Variants in KCNJ1 observed in about 807,000 individuals in gnomAD.
KCNJ1 encodes the protein ATP-sensitive inward rectifier potassium channel 1.
In KCNJ1, 24 loss-of-function variants were observed where a neutral mutation model predicts 21.9. That is an observed-to-expected ratio of 1.10 (90% CI 0.79 to 1.54). The LOEUF (loss-of-function observed/expected upper bound fraction) is 1.54, where lower values mean the gene tolerates loss of function less well. Among genes scored for constraint, KCNJ1 ranks in the 40% most tolerant of loss-of-function variants. The probability of loss-of-function intolerance (pLI) is 0.00; values close to 1 mark genes in which losing one functional copy is unlikely to be tolerated. For missense variants in KCNJ1, 457 were observed against 455.4 expected, an observed-to-expected ratio of 1.00 and a Z score of -0.03; for synonymous variants, 152 against 160.9, an observed-to-expected ratio of 0.94 and a Z score of 0.42.
intron 2 of KCNJ1, among the ~76,000 whole-genome samples, chr11:128,844,658 G>A (rs1943347296): frequency 6.6e-6 from 1 of 152,210 alleles, no homozygotes; most frequent in South Asian, 2.1e-4. Flanking sequence ...AGGTGCAGAA[G>A]CTCTTCTTCC....
intron 2 of KCNJ1, among the ~76,000 whole-genome samples, chr11:128,846,810 C>T (rs544689074): frequency 3.9e-5 from 6 of 152,170 alleles, no homozygotes; most frequent in Non-Finnish European, 7.4e-5. Context: ...CTCGTACTAC[C>T]GGCGAGGTCT....
At chr11:128,858,027 T>C (rs1370173458) in intron 1 of KCNJ1, among the ~76,000 whole-genome samples, 2 of 151,878 alleles carry the variant, frequency 1.3e-5, no homozygotes, top group African/African-American at 4.8e-5. Context: ...GTGCAAGAGC[T>C]TGGAGAAACT....
At chr11:128,856,887 C>T (rs552393617) in intron 1 of KCNJ1, among the ~76,000 whole-genome samples, 71 of 152,164 alleles carry the variant, frequency 4.7e-4, no homozygotes, top group African/African-American at 1.5e-3. Context: ...TTGATCTGTC[C>T]ACCGCCTCTT....
chr11:128,841,993 T>A (rs1943291142), intron 2 of KCNJ1, among the ~76,000 whole-genome samples: 1 of 152,172 alleles, frequency 6.6e-6, no homozygotes, highest in Admixed American at 6.5e-5. Context: ...ACACATCCTT[T>A]ACCCTGGTCT....
intron 1 of KCNJ1, among the ~76,000 whole-genome samples, chr11:128,851,614 C>G (rs1943478277): frequency 2.0e-5 from 3 of 152,156 alleles, no homozygotes; most frequent in African/African-American, 4.8e-5. Context: ...TTAGTCTGAC[C>G]CTTCTAGTTC....
rs780333280 is a variant in KCNJ1, at chr11:128,840,085, T to C, written c.159A>G (p.Val53=). Residue 53 remains valine, a synonymous_variant, in exon 3 of 3, where the codon GTA becomes GTG. Coordinates refer to ENST00000392666, the MANE Select transcript of KCNJ1 (RefSeq NM_153766.3). The part of the protein sequence containing the change: ...FIFFVDIWTT[V]LDLKWRYKMT... Reference sequence around the variant, plus strand: ...TTTTGTATCTCCACTTGAGGTCAAGTACCGTTGTCCAGATGTCCACAAAGA... The same window carrying C: ...TTTTGTATCTCCACTTGAGGTCAAGCACCGTTGTCCAGATGTCCACAAAGA... 16 of 1,614,070 alleles carry C rather than the reference T, an allele frequency of 9.9e-6. No individual in the cohort carries two copies. In the East Asian group the frequency reaches 3.6e-4, roughly 36 times the overall value.
At chr11:128,844,676 T>C (rs1397034086) in intron 2 of KCNJ1, among the ~76,000 whole-genome samples, 1 of 152,146 alleles carries the variant, frequency 6.6e-6, no homozygotes, top group African/African-American at 2.4e-5. Context: ...TCCACAGACA[T>C]CCACTTGAGA....
chr11:128,839,171 T>C lies in KCNJ1; in HGVS notation c.1073A>G (p.Asn358Ser). 1 of 1,614,148 alleles carries C rather than the reference T, an allele frequency of 6.2e-7. No homozygotes were observed. The highest frequency in any genetic ancestry group is 8.5e-7 in the Non-Finnish European group (1 of 1,179,996). ...ARMKRGYDNPNFILSEVNETD... is the reference protein window; with the variant it reads ...ARMKRGYDNPSFILSEVNETD... ...TTCATTGACTTCTGACAAGATGAAGTTGGGGTTGTCATAGCCTCTCTTCAT... is the reference window on the plus strand; with the variant it reads ...TTCATTGACTTCTGACAAGATGAAGCTGGGGTTGTCATAGCCTCTCTTCAT... The change falls in exon 3 of 3, where the codon AAC (asparagine) becomes AGC (serine). Residue 358 changes from asparagine to serine, a missense_variant. Transcript: ENST00000392666.
rs267602771 is a variant in KCNJ1, at chr11:128,839,619, C to T, written c.625G>A (p.Gly209Arg). Residue 209 changes from glycine (G) to arginine (R), a missense_variant, in exon 3 of 3, where the codon GGA (glycine) becomes AGA (arginine). By Grantham distance (125) the Gly-to-Arg change is moderately radical. Coordinates refer to ENST00000392666, the MANE Select transcript of KCNJ1 (RefSeq NM_153766.3). Reference sequence around the variant, plus strand: ...GTGACTGTGGTCTTCAGAAGCTTTCCATAAATGTGACTGCCAATAAGAAGG... The same window carrying T: ...GTGACTGTGGTCTTCAGAAGCTTTCTATAAATGTGACTGCCAATAAGAAGG... The part of the protein sequence containing the change: ...KSLLIGSHIY[G>R]KLLKTTVTPE... The T allele has an allele frequency of 6.2e-7, 1 of 1,613,800 alleles. No homozygotes were observed. Among genetic ancestry groups the T allele is most frequent in the African/African-American group, 1.3e-5 (1 of 74,882 alleles).
rs1480204529 is a variant in KCNJ1, at chr11:128,839,282, T to C, written c.962A>G (p.Asp321Gly). 3 of 1,614,158 alleles carry C rather than the reference T, an allele frequency of 1.9e-6. No homozygotes were observed. The highest frequency in any genetic ancestry group is 2.5e-6 in the Non-Finnish European group (3 of 1,180,026). The change falls in exon 3 of 3, where the codon GAT (aspartate) becomes GGT (glycine). Residue 321 changes from aspartate to glycine, a missense_variant. Asp to Gly is a moderately conservative substitution (Grantham distance 94). Transcript: ENST00000392666. The part of the protein sequence containing the change: ...SKTKEGKYRV[D>G]FHNFSKTVEV... ...CACTGTCTTGCTAAAGTTATGGAAATCCACTCGGTATTTCCCTTCCTTTGT... is the reference window on the plus strand; with the variant it reads ...CACTGTCTTGCTAAAGTTATGGAAACCCACTCGGTATTTCCCTTCCTTTGT...
chr11:128,843,433 C>T (rs770889878), intron 2 of KCNJ1, among the ~76,000 whole-genome samples: 9 of 152,158 alleles, frequency 5.9e-5, no homozygotes, highest in East Asian at 1.9e-4. Flanking sequence ...GCAAAACAAG[C>T]GGATTACATT....
intron 1 of KCNJ1, among the ~76,000 whole-genome samples, chr11:128,866,962 G>A (rs1176420870): frequency 6.6e-6 from 1 of 152,102 alleles, no homozygotes; most frequent in Non-Finnish European, 1.5e-5. Flanking sequence ...AGTGACCCAG[G>A]GAAGGCAAGA....
At chr11:128,864,015 C>G (rs182620796) in intron 1 of KCNJ1, among the ~76,000 whole-genome samples, 1 of 147,574 alleles carries the variant, frequency 6.8e-6, no homozygotes, top group Non-Finnish European at 1.5e-5. Flanking sequence ...CTTAAGGTAA[C>G]TTAAGGTTTG....
intron 1 of KCNJ1, chr11:128,866,608 G>A (rs1943819765): frequency 1.3e-6 from 1 of 763,370 alleles, no homozygotes; most frequent in African/African-American, 1.9e-5. Context: ...CAAATGTTGA[G>A]AAATCCAAAT....
At position 128,864,728 on chromosome 11, in the gene KCNJ1, C is replaced by T. The variant is rs116643644; in HGVS notation, c.-192+2445G>A. On this transcript the variant is annotated intron_variant, in intron 1 of 2. Coordinates refer to ENST00000392666, the MANE Select transcript of KCNJ1 (RefSeq NM_153766.3). Reference sequence around the variant, plus strand: ...TGCCATTCAAAGTGTGCTCTTTTTGCGGACTTTGGGAGTCTCTGGCTCCTG... The same window carrying T: ...TGCCATTCAAAGTGTGCTCTTTTTGTGGACTTTGGGAGTCTCTGGCTCCTG... Among the ~76,000 whole-genome samples, 1,118 of 152,126 alleles carry T rather than the reference C, an allele frequency of 7.3e-3. 14 individuals are homozygous for T. Among genetic ancestry groups the T allele is most frequent in the African/African-American group, 0.025 (1,057 of 41,492 alleles).
Position 128,853,958 on chromosome 11 carries a change from G to C in KCNJ1, c.-191-3068C>G, listed in dbSNP as rs561657150. On this transcript the variant is annotated intron_variant, in intron 1 of 2. Coordinates refer to ENST00000392666, the MANE Select transcript of KCNJ1 (RefSeq NM_153766.3). The stretch of plus-strand genomic sequence containing the variant: ...AGTGTGGGAGATGTCTCTTCTCCCA[G>C]GGTCTGCAGGAGAAGCTCTTCCCTG... 4.6e-5 allele frequency among the ~76,000 whole-genome samples: 7 copies of C among 152,366 alleles called. No individual in the cohort carries two copies. In the South Asian group the frequency reaches 1.2e-3, roughly 27 times the overall value.
Position 128,850,734 on chromosome 11 carries a change from G to A in KCNJ1, c.-35C>T, listed in dbSNP as rs968412925. 2 of 985,212 alleles carry A rather than the reference G, an allele frequency of 2.0e-6. No individual in the cohort carries two copies. The highest frequency in any genetic ancestry group is 1.7e-5 in the African/African-American group (1 of 57,252). The allele number at this position is 985,212 out of a possible 1,614,324, so 61.0% of individuals were successfully genotyped here. ...CAAGCCACTCACCTCTGTCAGAAGA[G>A]GTTCAGGAGATGATTTTCAAAACTT... On this transcript the variant is annotated 5_prime_UTR_variant, in exon 2 of 3. Coordinates refer to ENST00000392666, the MANE Select transcript of KCNJ1 (RefSeq NM_153766.3).
intron 2 of KCNJ1, among the ~76,000 whole-genome samples, chr11:128,849,903 C>T (rs1056675200): frequency 7.2e-5 from 11 of 152,176 alleles, no homozygotes; most frequent in African/African-American, 1.2e-4. Context: ...CCTGCCCGCC[C>T]GCCAACCCAC....
chr11:128,842,372 C>T (rs773080129), intron 2 of KCNJ1: 2 of 1,613,692 alleles, frequency 1.2e-6, no homozygotes, highest in East Asian at 2.2e-5. Flanking sequence ...TTTCCCCAGC[C>T]TCCACTTACC....
Sources: allele counts gnomAD v4.1 joint callset (sites outside exome capture counted in the v4.1 genomes callset), GRCh38; gene constraint gnomAD v4.1.1; transcripts MANE v1.5; gene names NCBI Gene and HGNC (gene_info 2026-07-23, HGNC 2026-07-21).